Variants in RSRC1 observed in about 807,000 individuals in gnomAD.
RSRC1 encodes the protein serine/Arginine-related protein 53.
RSRC1 carries 39 observed loss-of-function variants against 49.1 expected under a neutral mutation model. The ratio of observed to expected loss-of-function variants is 0.79; its 90% CI spans 0.61 to 1.04. The LOEUF (loss-of-function observed/expected upper bound fraction) is 1.04, where lower values mean the gene tolerates loss of function less well. RSRC1 is among the 50% of genes least tolerant of loss of function. The pLI is 0.00. For missense variants in RSRC1, 388 were observed against 402.4 expected (o/e 0.96, Z 0.31); for synonymous variants, 143 against 130.8 (o/e 1.09, Z -0.63).
chr3:158,222,830 A>G (rs763011579), intron 4 of RSRC1, among the ~76,000 whole-genome samples: 1 of 151,652 alleles, frequency 6.6e-6, no homozygotes, highest in Non-Finnish European at 1.5e-5. Flanking sequence ...GCTCTGTTCA[A>G]CATCAGTTCC....
intron 3 of RSRC1, among the ~76,000 whole-genome samples, chr3:158,190,743 AT>A (rs1033618283): frequency 4.7e-5 from 7 of 150,294 alleles, no homozygotes; most frequent in African/African-American, 1.5e-4. Context: ...AATTTTGATT[AT>A]TTCTGTTGCT....
chr3:158,164,907 A>G (rs1718447023), intron 3 of RSRC1, among the ~76,000 whole-genome samples: 1 of 152,196 alleles, frequency 6.6e-6, no homozygotes, highest in South Asian at 2.1e-4. Flanking sequence ...AAGTTCTCCT[A>G]TTAAGGTTTT....
intron 3 of RSRC1, among the ~76,000 whole-genome samples, chr3:158,125,220 TTTTA>T (rs555458426): frequency 8.7e-4 from 132 of 152,130 alleles, no homozygotes; most frequent in African/African-American, 2.8e-3. Flanking sequence ...CTGTTCTCTA[TTTTA>T]TTTATTTTTT....
At chr3:158,126,007 AG>A (rs1715601882) in intron 3 of RSRC1, among the ~76,000 whole-genome samples, 1 of 151,978 alleles carries the variant, frequency 6.6e-6, no homozygotes, top group Non-Finnish European at 1.5e-5. Flanking sequence ...GTCTTGTGTA[AG>A]TATGGCCACT....
chr3:158,136,589 G>A lies in RSRC1; in HGVS notation c.320+12598G>A, dbSNP rs138787541. 1.3e-3 allele frequency among the ~76,000 whole-genome samples: 190 copies of A among 149,210 alleles called. 2 individuals carry two copies. Among genetic ancestry groups the A allele is most frequent in the African/African-American group, 4.7e-3 (183 of 38,620 alleles). On this transcript the variant is annotated intron_variant, in intron 3 of 9. Coordinates refer to ENST00000611884, the MANE Select transcript of RSRC1 (RefSeq NM_001271838.2). ...GGTACAGAATTTTTAGGGCTAAAAG[G>A]TTATTTTATACTATTTCTTTTAGGT...
At chr3:158,398,336 G>A (rs1298202837) in intron 6 of RSRC1, among the ~76,000 whole-genome samples, 2 of 152,108 alleles carry the variant, frequency 1.3e-5, no homozygotes, top group Non-Finnish European at 2.9e-5. Flanking sequence ...AGGGCCAGGA[G>A]GCTAGAAGTC....
intron 6 of RSRC1, among the ~76,000 whole-genome samples, chr3:158,373,720 A>C (rs1411604548): frequency 6.6e-6 from 1 of 151,970 alleles, no homozygotes; most frequent in Non-Finnish European, 1.5e-5. Context: ...CCTTACAGGT[A>C]AGGTCTGTCT....
intron 3 of RSRC1, among the ~76,000 whole-genome samples, chr3:158,145,985 C>T (rs1342589234): frequency 6.6e-6 from 1 of 152,090 alleles, no homozygotes. Flanking sequence ...ATTTTGTATC[C>T]TGAGACTTTG....
chr3:158,115,895 A>G (rs1245581160), intron 1 of RSRC1, among the ~76,000 whole-genome samples: 1 of 152,200 alleles, frequency 6.6e-6, no homozygotes, highest in Non-Finnish European at 1.5e-5. Flanking sequence ...CTGTTTTAAT[A>G]TGGTTTTTGA....
chr3:158,279,678 A>G (rs1408355804), intron 4 of RSRC1, among the ~76,000 whole-genome samples: 1 of 152,232 alleles, frequency 6.6e-6, no homozygotes, highest in East Asian at 1.9e-4. Context: ...TAATTCCTAG[A>G]AGAATCTTCA....
intron 4 of RSRC1, among the ~76,000 whole-genome samples, chr3:158,211,820 GTCA>G (rs5853817): frequency 0.65 from 97,927 of 151,202 alleles, 31,973 homozygotes; most frequent in East Asian, 0.84. Context: ...TCAATAAATG[GTCA>G]TCATTTTATT....
intron 7 of RSRC1, among the ~76,000 whole-genome samples, chr3:158,507,331 TA>T (rs1739905809): frequency 6.6e-6 from 1 of 152,084 alleles, no homozygotes; most frequent in Admixed American, 6.5e-5. Flanking sequence ...GTAGGGAAAC[TA>T]TAATTAACTA....
chr3:158,268,197 C>T (rs1392601357), intron 4 of RSRC1, among the ~76,000 whole-genome samples: 2 of 152,178 alleles, frequency 1.3e-5, no homozygotes, highest in Non-Finnish European at 2.9e-5. Flanking sequence ...AATGTGTCCT[C>T]AGATACTTCA....
intron 6 of RSRC1, among the ~76,000 whole-genome samples, chr3:158,451,154 A>G (rs917597159): frequency 6.6e-6 from 1 of 151,904 alleles, no homozygotes; most frequent in Non-Finnish European, 1.5e-5. Flanking sequence ...ATTTCTTCTT[A>G]TATAACTAAG....
At chr3:158,431,157 A>C (rs1307603596) in intron 6 of RSRC1, among the ~76,000 whole-genome samples, 3 of 152,038 alleles carry the variant, frequency 2.0e-5, no homozygotes, top group Admixed American at 2.0e-4. Context: ...CTAATCTTTA[A>C]TAATTGTTTT....
chr3:158,277,855 G>A (rs1475458228), intron 4 of RSRC1, among the ~76,000 whole-genome samples: 1 of 152,108 alleles, frequency 6.6e-6, no homozygotes, highest in Non-Finnish European at 1.5e-5. Flanking sequence ...CAGGATCATG[G>A]CTCACTGCAG....
At chr3:158,146,826 A>T (rs1229475646) in intron 3 of RSRC1, among the ~76,000 whole-genome samples, 1 of 152,104 alleles carries the variant, frequency 6.6e-6, no homozygotes, top group African/African-American at 2.4e-5. Flanking sequence ...TGGTCTATTC[A>T]GAGATTTAGC....
At position 158,337,880 on chromosome 3, in the gene RSRC1, A is replaced by G. The variant is rs1048318147; in HGVS notation, c.532-16977A>G. 5.9e-5 allele frequency among the ~76,000 whole-genome samples: 9 copies of G among 152,334 alleles called. No homozygotes were observed. In the East Asian group the frequency reaches 1.7e-3, roughly 29 times the overall value. On this transcript the variant is annotated intron_variant, in intron 5 of 9. Transcript: ENST00000611884. ...ATAGCTAACGCTTTACTGAGTTTTC[A>G]TTTTATGATGATTACATGGAGAAGG... is the stretch of plus-strand genomic sequence containing the variant.
chr3:158,278,865 A>G (rs886299314), intron 4 of RSRC1, among the ~76,000 whole-genome samples: 4 of 152,098 alleles, frequency 2.6e-5, no homozygotes, highest in East Asian at 1.9e-4. Context: ...TAAATGTTCT[A>G]TTTTTTTGGA....
Sources: allele counts gnomAD v4.1 joint callset (sites outside exome capture counted in the v4.1 genomes callset), GRCh38; gene constraint gnomAD v4.1.1; transcripts MANE v1.5; gene names NCBI Gene and HGNC (gene_info 2026-07-23, HGNC 2026-07-21).